SLC60A1: variants seen among roughly 807,000 people sequenced by gnomAD.
SLC60A1 encodes the protein major facilitator superfamily domain containing 4.
chr1:205,589,354 C>T, the SLC60A1 span, among the ~76,000 whole-genome samples: 4 of 151,946 alleles, frequency 2.6e-5, no homozygotes, highest in Non-Finnish European at 5.9e-5. Flanking sequence ...GGTGGGGGAT[C>T]GGGAGCAGAA....
At chr1:205,571,975 C>T in the SLC60A1 span, among the ~76,000 whole-genome samples, 5 of 152,148 alleles carry the variant, frequency 3.3e-5, no homozygotes, top group Non-Finnish European at 7.3e-5. Context: ...TGGGTTCCTA[C>T]TCAGGTCCTG....
At chr1:205,584,218 ATTT>A in the SLC60A1 span, 6,472 of 783,318 alleles carry the variant, frequency 8.3e-3, no homozygotes, top group South Asian at 0.012. Flanking sequence ...ATCACAGGTG[ATTT>A]TTTTTTTTTT....
At chr1:205,600,475 AG>A in the SLC60A1 span, 2 of 1,613,672 alleles carry the variant, frequency 1.2e-6, no homozygotes, top group South Asian at 2.2e-5. Context: ...TGGGTGAAGA[AG>A]GCAAGAGAAG....
the SLC60A1 span, chr1:205,583,916 T>C: frequency 6.3e-7 from 1 of 1,595,700 alleles, no homozygotes; most frequent in African/African-American, 1.3e-5. Context: ...AGGGGGAGCT[T>C]CAGGGCAGGG....
chr1:205,592,394 T>C, the SLC60A1 span: 1 of 1,168,662 alleles, frequency 8.6e-7, no homozygotes, highest in Non-Finnish European at 1.1e-6. Flanking sequence ...AATTTTATTA[T>C]TATTATACTT....
chr1:205,592,160 C>T, the SLC60A1 span: 1 of 1,614,140 alleles, frequency 6.2e-7, no homozygotes, highest in East Asian at 2.2e-5. Flanking sequence ...TGGTGACGTT[C>T]CTGGTGCTGC....
chr1:205,590,194 G>C, the SLC60A1 span, among the ~76,000 whole-genome samples: 1 of 152,202 alleles, frequency 6.6e-6, no homozygotes, highest in Admixed American at 6.5e-5. Flanking sequence ...CATGCCTGCT[G>C]TAGAGGCAGG....
At chr1:205,592,456 A>G in the SLC60A1 span, among the ~76,000 whole-genome samples, 1 of 151,586 alleles carries the variant, frequency 6.6e-6, no homozygotes, top group African/African-American at 2.4e-5. Context: ...ATATGTATAC[A>G]TGTGCCATGT....
At chr1:205,594,351 T>TA in the SLC60A1 span, among the ~76,000 whole-genome samples, 3 of 152,186 alleles carry the variant, frequency 2.0e-5, no homozygotes, top group African/African-American at 7.2e-5. Context: ...CAACACATGT[T>TA]AGAGTTTAAT....
chr1:205,580,950 G>A, the SLC60A1 span: 1 of 1,606,164 alleles, frequency 6.2e-7, no homozygotes, highest in Non-Finnish European at 8.5e-7. This position sits in a 1 kb window ranked among gnomAD's most constrained non-coding sequence, Gnocchi z 5.0. Context: ...GGCCAGGTAG[G>A]GAGCTAGTGG....
chr1:205,569,474 GCCTCCCTCCCTC>G, the SLC60A1 span, among the ~76,000 whole-genome samples: 8,702 of 138,172 alleles, frequency 0.063, 383 homozygotes, highest in Middle Eastern at 0.11. Context: ...CCGAAGAGCT[GCCTCCCTCCCTC>G]CCTCCCTCCC....
At chr1:205,585,042 A>C in the SLC60A1 span, 1 of 1,473,232 alleles carries the variant, frequency 6.8e-7, no homozygotes, top group Non-Finnish European at 9.5e-7. This position sits in a 1 kb window ranked among gnomAD's most constrained non-coding sequence, Gnocchi z 4.2. Context: ...TCACCCCCAG[A>C]CTCCAGTCTG....
the SLC60A1 span, chr1:205,600,326 GGT>G: frequency 7.0e-7 from 1 of 1,433,036 alleles, no homozygotes; most frequent in East Asian, 2.3e-5. Context: ...AAACAGCCTG[GGT>G]AAGCTCTCAG....
the SLC60A1 span, among the ~76,000 whole-genome samples, chr1:205,594,382 G>A: frequency 6.6e-6 from 1 of 152,252 alleles, no homozygotes; most frequent in Non-Finnish European, 1.5e-5. Context: ...GAGGCTGGGT[G>A]CAGTGGCTCA....
chr1:205,595,002 C>A, the SLC60A1 span: 1 of 152,216 alleles, frequency 6.6e-6, no homozygotes, highest in South Asian at 2.1e-4. Flanking sequence ...GAGGTGAGGA[C>A]CATGTACTAA....
the SLC60A1 span, among the ~76,000 whole-genome samples, chr1:205,570,776 T>G: frequency 2.6e-5 from 4 of 152,230 alleles, no homozygotes; most frequent in Non-Finnish European, 4.4e-5. Context: ...TAAGATAAAG[T>G]ATCTGTGGCT....
At chr1:205,576,656 C>T in the SLC60A1 span, among the ~76,000 whole-genome samples, 1 of 152,214 alleles carries the variant, frequency 6.6e-6, no homozygotes, top group Non-Finnish European at 1.5e-5. Context: ...CCATTTAAAA[C>T]AGGCAATAAA....
the SLC60A1 span, chr1:205,598,069 A>G: frequency 2.0e-6 from 1 of 509,818 alleles, no homozygotes; most frequent in African/African-American, 1.9e-5. Context: ...AAACGGATGC[A>G]TGGAAAAGTC....
the SLC60A1 span, chr1:205,569,192 C>G: frequency 6.5e-7 from 1 of 1,549,698 alleles, no homozygotes; most frequent in South Asian, 1.2e-5. Context: ...CGCTGCTGGA[C>G]CTGCGCTGTC....
Sources: allele counts gnomAD v4.1 joint callset (sites outside exome capture counted in the v4.1 genomes callset), GRCh38; gene constraint gnomAD v4.1.1; non-coding constraint Gnocchi (gnomAD v3.1); transcripts MANE v1.5; gene names NCBI Gene and HGNC (gene_info 2026-07-23, HGNC 2026-07-21).